ZBBX: variants seen among roughly 807,000 people sequenced by gnomAD.
The protein encoded by ZBBX is zinc finger B-box domain-containing protein 1.
ZBBX carries 101 observed loss-of-function variants against 108.5 expected under a neutral mutation model. The observed-to-expected ratio is 0.93, with a 90% CI of 0.79 to 1.10. ZBBX has a LOEUF of 1.10. Among genes scored for constraint, ZBBX ranks in the 50% least tolerant of loss-of-function variants. The pLI, the probability that ZBBX is intolerant of heterozygous loss-of-function variation, is 0.00. For synonymous variants in ZBBX, 356 were observed against 323.4 expected, an observed-to-expected ratio of 1.10 and a Z score of -1.08; for missense variants, 1,009 against 941.4, an observed-to-expected ratio of 1.07 and a Z score of -0.94.
intron 19 of ZBBX, among the ~76,000 whole-genome samples, chr3:167,287,314 G>C (rs1729883000): frequency 6.6e-6 from 1 of 152,044 alleles, no homozygotes; most frequent in African/African-American, 2.4e-5. Flanking sequence ...TATTCAGACT[G>C]TTTATATTAG....
chr3:167,275,071 C>A (rs768921222), intron 20 of ZBBX, among the ~76,000 whole-genome samples: 6 of 152,030 alleles, frequency 3.9e-5, no homozygotes, highest in Non-Finnish European at 7.4e-5. Context: ...CTGAAATGTA[C>A]AATTAATTTT....
chr3:167,403,534 G>C (rs1453862037), intron 1 of ZBBX, among the ~76,000 whole-genome samples: 1 of 151,982 alleles, frequency 6.6e-6, no homozygotes, highest in East Asian at 1.9e-4. Context: ...GAATATGCAA[G>C]CATTTTTTCT....
rs7612245 is a variant in ZBBX at position 167,332,288 on chromosome 3, C to A, written c.687+1539G>T. On this transcript the variant is annotated intron_variant, in intron 10 of 21. Transcript: ENST00000675490. Reference sequence around the variant, plus strand: ...GGAGTTAAACACACACACACACACACAAACACACACACACACACGTCTGAA... The same window carrying A: ...GGAGTTAAACACACACACACACACAAAAACACACACACACACACGTCTGAA... Among the ~76,000 whole-genome samples, 23 of 109,254 alleles carry A rather than the reference C, an allele frequency of 2.1e-4. No homozygotes were observed. The East Asian group carries it at 6.1e-3, about 29-fold the overall frequency. The allele number at this position is 109,254 out of a possible 152,430, so 71.7% of individuals were successfully genotyped here.
At chr3:167,193,146 CT>C in the ZBBX span, among the ~76,000 whole-genome samples, 1 of 152,058 alleles carries the variant, frequency 6.6e-6, no homozygotes, top group African/African-American at 2.4e-5. Flanking sequence ...TGTAATTTAC[CT>C]GTTGGTTGTC....
chr3:167,399,490 G>C (rs1748350350), intron 1 of ZBBX: 1 of 152,046 alleles, frequency 6.6e-6, no homozygotes, highest in African/African-American at 2.4e-5. Context: ...ACTGTTATGT[G>C]GTAGGTACTC....
chr3:167,382,151 CT>C (rs34726554), upstream of ZBBX, among the ~76,000 whole-genome samples: 5 of 152,118 alleles, frequency 3.3e-5, no homozygotes, highest in Admixed American at 2.0e-4. Flanking sequence ...TATTCTTGCA[CT>C]TTTTGAAAGC....
chr3:167,223,377 A>G, the ZBBX span, among the ~76,000 whole-genome samples: 189 of 152,066 alleles, frequency 1.2e-3, no homozygotes, highest in Non-Finnish European at 1.8e-3. Flanking sequence ...TGTTTCTTTC[A>G]ATAAAGGAAT....
At chr3:167,402,785 TA>T (rs58918452) in intron 1 of ZBBX, among the ~76,000 whole-genome samples, 59,235 of 134,584 alleles carry the variant, frequency 0.44, 11,778 homozygotes, top group African/African-American at 0.49. Context: ...CTACAATATG[TA>T]AAAAAAAAAA....
At chr3:167,197,258 G>T in the ZBBX span, among the ~76,000 whole-genome samples, 1 of 152,112 alleles carries the variant, frequency 6.6e-6, no homozygotes, top group African/African-American at 2.4e-5. Context: ...TAAAATGTAG[G>T]CTGGGCACGG....
downstream of ZBBX, among the ~76,000 whole-genome samples, chr3:167,238,460 C>G (rs989344010): frequency 6.6e-6 from 1 of 152,006 alleles, no homozygotes; most frequent in East Asian, 1.9e-4. Flanking sequence ...TATTAAAAGA[C>G]ATGGAAATGG....
At position 167,345,679 on chromosome 3, in the gene ZBBX, A is replaced by AT. The variant is rs554513116; in HGVS notation, c.528+4740dup. Among the ~76,000 whole-genome samples, 197 of 151,846 alleles carry AT rather than the reference A, an allele frequency of 1.3e-3. 2 individuals are homozygous for AT. The highest frequency in any genetic ancestry group is 4.6e-3 in the African/African-American group (189 of 41,492). ...TTCTGTGGTCTCCCATCAAGCTACC[A>AT]TTATTGACTTTCTTCACATAACTAG... On this transcript the variant is annotated intron_variant, in intron 9 of 21. Transcript: ENST00000675490.
At chr3:167,360,517 C>A (rs950270776) in intron 7 of ZBBX, among the ~76,000 whole-genome samples, 158 bp downstream of exon 7, 1 of 151,764 alleles carries the variant, frequency 6.6e-6, no homozygotes, top group African/African-American at 2.4e-5. Context: ...CCCTAACCAC[C>A]CGAATAAAAT....
intron 19 of ZBBX, 87 bp downstream of exon 19, chr3:167,288,780 G>A (rs7625639): frequency 1.6e-6 from 1 of 631,716 alleles, no homozygotes; most frequent in Non-Finnish European, 2.4e-6. Flanking sequence ...AAACTAAATT[G>A]CAGGTGCCTA....
the ZBBX span, among the ~76,000 whole-genome samples, chr3:167,212,174 C>T: frequency 6.6e-6 from 1 of 152,130 alleles, no homozygotes; most frequent in Non-Finnish European, 1.5e-5. Context: ...CTGGTTACAC[C>T]TTCAAGTTCT....
chr3:167,288,573 T>C (rs746376528), intron 19 of ZBBX, among the ~76,000 whole-genome samples: 48 of 152,224 alleles, frequency 3.2e-4, no homozygotes, highest in African/African-American at 8.9e-4. Context: ...ATGTATTTTA[T>C]AAGGATTGTT....
intron 17 of ZBBX, among the ~76,000 whole-genome samples, chr3:167,300,267 T>C (rs1157238738): frequency 6.6e-6 from 1 of 152,060 alleles, no homozygotes; most frequent in East Asian, 1.9e-4. Context: ...ACTTCAAATC[T>C]CTCAATCCAA....
At chr3:167,372,056 C>A (rs1028957141) in intron 4 of ZBBX, among the ~76,000 whole-genome samples, 7 of 152,096 alleles carry the variant, frequency 4.6e-5, no homozygotes, top group African/African-American at 1.7e-4. Flanking sequence ...ATTAAAAATA[C>A]AAACATTAGC....
Position 167,276,465 on chromosome 3 carries a change from G to A in ZBBX, c.2254+5773C>T, listed in dbSNP as rs201349429. Among the ~76,000 whole-genome samples, 7 of 152,240 alleles carry A rather than the reference G, an allele frequency of 4.6e-5. No homozygotes were observed. In the East Asian group the frequency reaches 9.6e-4, roughly 21 times the overall value. On this transcript the variant is annotated intron_variant, in intron 20 of 21. Transcript: ENST00000675490. ...GAAGAATGCAGAAGCCTCAGGAGCC[G>A]ATGCAATCAACTGGAAGAAAGGGTA... is the stretch of plus-strand genomic sequence containing the variant.
intron 20 of ZBBX, among the ~76,000 whole-genome samples, chr3:167,254,713 G>A (rs74509862): frequency 6.6e-6 from 1 of 152,012 alleles, no homozygotes; most frequent in Non-Finnish European, 1.5e-5. Context: ...AAATTTCTTT[G>A]AAAATAACGG....
Sources: allele counts gnomAD v4.1 joint callset (sites outside exome capture counted in the v4.1 genomes callset), GRCh38; gene constraint gnomAD v4.1.1; transcripts MANE v1.5; gene names NCBI Gene and HGNC (gene_info 2026-07-23, HGNC 2026-07-21).